Variants in OPHN1 observed in about 807,000 individuals in gnomAD.
The protein encoded by OPHN1 is oligophrenin-1.
In OPHN1, 11 loss-of-function variants were observed where a neutral mutation model predicts 60.7. The observed-to-expected ratio is 0.18, with a 90% CI of 0.11 to 0.30. The LOEUF is 0.30. Ranked by LOEUF, OPHN1 falls within the 10% of genes least tolerant of loss-of-function variation. The pLI is 1.00. For synonymous variants in OPHN1, 226 were observed against 222.6 expected (o/e 1.02, Z -0.14); for missense variants, 449 against 611.0 (o/e 0.73, Z 2.80).
intron 2 of OPHN1, among the ~76,000 whole-genome samples, chrX:68,333,027 A>G (rs915198504): frequency 1.3e-4 from 14 of 111,036 alleles, no homozygotes; most frequent in African/African-American, 4.6e-4. Context: ...ATTTACAGAG[A>G]AAGGAACCGA....
At chrX:68,342,195 T>C (rs1406708240) in intron 2 of OPHN1, among the ~76,000 whole-genome samples, 1 of 110,640 alleles carries the variant, frequency 9.0e-6, no homozygotes, top group Non-Finnish European at 1.9e-5. Flanking sequence ...GGTATCAAAC[T>C]CCTGGGCTCA....
At chrX:68,419,537 A>AG (rs1255328492) in intron 2 of OPHN1, among the ~76,000 whole-genome samples, 1 of 64,863 alleles carries the variant, frequency 1.5e-5, no homozygotes, top group Non-Finnish European at 3.6e-5. Flanking sequence ...ACTCCTTAAC[A>AG]ATTTTTTTTT....
chrX:68,169,575 A>T (rs1303528915), intron 15 of OPHN1, among the ~76,000 whole-genome samples: 1 of 108,606 alleles, frequency 9.2e-6, no homozygotes, highest in Non-Finnish European at 1.9e-5. Context: ...ACTGGTACCA[A>T]AACAGAGATA....
chrX:68,320,090 C>T (rs1263923937), intron 2 of OPHN1, among the ~76,000 whole-genome samples: 6 of 111,574 alleles, frequency 5.4e-5, no homozygotes, highest in Non-Finnish European at 1.1e-4. Context: ...TGGCTCACAC[C>T]TGTAATCCCA....
At chrX:68,082,823 A>T (rs1182457881) in intron 19 of OPHN1, among the ~76,000 whole-genome samples, 2 of 111,559 alleles carry the variant, frequency 1.8e-5, no homozygotes, top group Non-Finnish European at 3.8e-5. Context: ...CCAGGCATTG[A>T]CTTCTTTGCA....
intron 19 of OPHN1, among the ~76,000 whole-genome samples, chrX:68,082,201 A>G (rs1284614611): frequency 8.9e-6 from 1 of 112,271 alleles, no homozygotes; most frequent in African/African-American, 3.2e-5. Flanking sequence ...CTGAAGGGTT[A>G]AGCTCCTCAA....
At chrX:68,274,496 A>T (rs1424124289) in intron 5 of OPHN1, among the ~76,000 whole-genome samples, 1 of 111,641 alleles carries the variant, frequency 9.0e-6, no homozygotes. Context: ...TCATTTTCTC[A>T]TAGAAACTAA....
At chrX:68,133,472 T>C (rs2077206541) in intron 15 of OPHN1, 1 of 543,420 alleles carries the variant, frequency 1.8e-6, no homozygotes, top group Non-Finnish European at 3.3e-6. Flanking sequence ...GTACCAGGTT[T>C]AACCTCAAGA....
At chrX:68,232,890 CCTT>C (rs888741812) in intron 6 of OPHN1, among the ~76,000 whole-genome samples, 1 of 109,318 alleles carries the variant, frequency 9.1e-6, no homozygotes, top group Non-Finnish European at 1.9e-5. Context: ...GGAAAGTAGT[CCTT>C]CTCCTTTGCA....
rs1018904285 is a variant in OPHN1 at position 68,113,227 on chromosome X, T to C, written c.1374A>G (p.Glu458=). 5.0e-6 allele frequency: 6 copies of C among 1,204,297 alleles called. No individual in the cohort carries two copies. The African/African-American group carries it at 5.3e-5, about 11-fold the overall frequency. Residue 458 remains glutamate (E), a synonymous_variant, in exon 17 of 25, where the codon GAA becomes GAG. Coordinates refer to ENST00000355520, the MANE Select transcript of OPHN1 (RefSeq NM_002547.3). ...SLKFYLRNLS[E]PVMTYRLHKE... ...TGTGAAGTCTATAGGTCATGACAGGTTCAGAAAGATTCCTGAAATGAATGA... is the reference window on the plus strand; with the variant it reads ...TGTGAAGTCTATAGGTCATGACAGGCTCAGAAAGATTCCTGAAATGAATGA...
At chrX:68,221,892 C>T (rs1298257687) in intron 6 of OPHN1, among the ~76,000 whole-genome samples, 1 of 91,513 alleles carries the variant, frequency 1.1e-5, no homozygotes, top group Non-Finnish European at 2.2e-5. Context: ...TCTAAAACAC[C>T]AAAAGCAATG....
At chrX:68,270,578 G>A (rs1177110816) in intron 5 of OPHN1, among the ~76,000 whole-genome samples, 1 of 83,172 alleles carries the variant, frequency 1.2e-5, no homozygotes, top group Non-Finnish European at 2.3e-5. Flanking sequence ...ATCACACACT[G>A]GGGCCTGTTG....
intron 15 of OPHN1, among the ~76,000 whole-genome samples, chrX:68,160,252 A>C (rs1029145829): frequency 5.4e-5 from 6 of 111,041 alleles, no homozygotes; most frequent in Non-Finnish European, 1.1e-4. Context: ...ACACACATAC[A>C]ACTAACAACA....
At chrX:68,117,690 G>A (rs1178081451) in intron 16 of OPHN1, among the ~76,000 whole-genome samples, 2 of 111,939 alleles carry the variant, frequency 1.8e-5, no homozygotes, top group Non-Finnish European at 3.8e-5. Flanking sequence ...GAGATAAGGG[G>A]TGATTTAGTT....
At chrX:68,175,093 GA>G (rs1341633656) in intron 15 of OPHN1, among the ~76,000 whole-genome samples, 1 of 108,023 alleles carries the variant, frequency 9.3e-6, no homozygotes, top group African/African-American at 3.4e-5. Flanking sequence ...AAAAAAAAAA[GA>G]AAAAAAATCC....
intron 18 of OPHN1, among the ~76,000 whole-genome samples, chrX:68,108,370 T>C (rs1335959248): frequency 6.2e-5 from 7 of 112,429 alleles, no homozygotes; most frequent in Non-Finnish European, 1.3e-4. Flanking sequence ...TCACTTCTTT[T>C]TGGGTAGAAT....
intron 2 of OPHN1, among the ~76,000 whole-genome samples, chrX:68,392,020 T>C (rs920533693): frequency 2.7e-5 from 3 of 112,078 alleles, no homozygotes; most frequent in African/African-American, 9.7e-5. Flanking sequence ...ATTTGTTGCA[T>C]TAGCAATAGG....
chrX:68,366,998 C>A (rs2078502065), intron 2 of OPHN1, among the ~76,000 whole-genome samples: 1 of 110,832 alleles, frequency 9.0e-6, no homozygotes, highest in Admixed American at 9.7e-5. Context: ...AAAGAGTAGT[C>A]AGAGTGACAT....
In OPHN1 at chrX:68,330,866, T is replaced by C. The variant is rs190360499; in HGVS notation, c.155-31770A>G. Among the ~76,000 whole-genome samples, 97 of 107,095 alleles carry C rather than the reference T, an allele frequency of 9.1e-4. No individual in the cohort carries two copies. In the East Asian group the frequency reaches 0.021, roughly 23 times the overall value. The allele number at this position is 107,095 out of a possible 115,157, so 93.0% of individuals were successfully genotyped here. A position where few individuals can be genotyped will look rare whatever the true frequency, so the allele number is the denominator to read the frequency against. On this transcript the variant is annotated intron_variant, in intron 2 of 24. Transcript: ENST00000355520. ...ATAAATATAAGCATTTATATATTTATATAACTAAAATATTTAATATAACTA... is the reference window on the plus strand; with the variant it reads ...ATAAATATAAGCATTTATATATTTACATAACTAAAATATTTAATATAACTA...
Sources: gnomAD v4.1 joint callset for allele counts (sites outside exome capture counted in the v4.1 genomes callset) on GRCh38, gnomAD v4.1.1 for gene constraint, MANE v1.5 for transcripts, NCBI Gene and HGNC (gene_info 2026-07-23, HGNC 2026-07-21) for gene names.